TCF4: variants seen among roughly 807,000 people sequenced by gnomAD.
TCF4 encodes SL3-3 enhancer factor 2.
A neutral mutation model predicts 82.1 loss-of-function variants in TCF4; 3 were observed. That is an observed-to-expected ratio of 0.04 (90% CI 0.02 to 0.09). The LOEUF (loss-of-function observed/expected upper bound fraction) is 0.09. Among genes scored for constraint, TCF4 ranks in the 10% least tolerant of loss-of-function variants. The pLI is 1.00. For synonymous variants in TCF4, 276 were observed against 309.6 expected (o/e 0.89, Z 1.14); for missense variants, 518 against 852.7 (o/e 0.61, Z 4.89).
intron 5 of TCF4, among the ~76,000 whole-genome samples, chr18:55,416,843 G>A (rs1344008212): frequency 2.0e-5 from 3 of 152,150 alleles, no homozygotes; most frequent in Non-Finnish European, 4.4e-5. Context: ...CTCTTTACGT[G>A]GGTAAAATTT....
At chr18:55,319,061 G>A (rs2074857439) in intron 8 of TCF4, among the ~76,000 whole-genome samples, 1 of 152,184 alleles carries the variant, frequency 6.6e-6, no homozygotes, top group Non-Finnish European at 1.5e-5. Flanking sequence ...ATTCAGTGCT[G>A]TGTTCTCTTC....
chr18:55,473,613 A>G (rs1477608882), intron 3 of TCF4, among the ~76,000 whole-genome samples: 1 of 152,192 alleles, frequency 6.6e-6, no homozygotes. Context: ...GGCAATGACA[A>G]ATGATCAATC....
At chr18:55,436,643 G>T (rs891205465) in intron 5 of TCF4, among the ~76,000 whole-genome samples, 10 of 152,146 alleles carry the variant, frequency 6.6e-5, no homozygotes, top group Non-Finnish European at 1.3e-4. Context: ...AATGTTAGCC[G>T]GGGACCTCAT....
At chr18:55,612,896 C>T (rs1015767385) in intron 2 of TCF4, among the ~76,000 whole-genome samples, 2 of 151,930 alleles carry the variant, frequency 1.3e-5, no homozygotes, top group African/African-American at 2.4e-5. Flanking sequence ...TGCAGTGAGC[C>T]GAGATCATGC....
chr18:55,508,765 C>T (rs1002710507), intron 3 of TCF4, among the ~76,000 whole-genome samples: 4 of 152,264 alleles, frequency 2.6e-5, no homozygotes, highest in Admixed American at 6.5e-5. Flanking sequence ...TGTGCACCTC[C>T]TTTTATTCCT....
At chr18:55,286,725 C>T (rs528240619) in intron 8 of TCF4, among the ~76,000 whole-genome samples, 1 of 152,190 alleles carries the variant, frequency 6.6e-6, no homozygotes, top group African/African-American at 2.4e-5. Context: ...AGGATTAAAG[C>T]TCATTCACCT....
intron 3 of TCF4, among the ~76,000 whole-genome samples, chr18:55,584,719 A>G (rs979424018): frequency 1.1e-4 from 16 of 150,886 alleles, no homozygotes; most frequent in Admixed American, 3.3e-4. Flanking sequence ...ATCGTTAGGG[A>G]AAAAAAAACA....
intron 4 of TCF4, among the ~76,000 whole-genome samples, chr18:55,462,339 T>C (rs1042131798): frequency 3.3e-5 from 5 of 151,842 alleles, no homozygotes; most frequent in East Asian, 1.9e-4. Context: ...TCCTAGATAG[T>C]GTACTAAAAG....
intron 2 of TCF4, among the ~76,000 whole-genome samples, chr18:55,597,468 C>T (rs1260475214): frequency 2.6e-5 from 4 of 151,956 alleles, no homozygotes; most frequent in Non-Finnish European, 5.9e-5. Flanking sequence ...AGTTCAAGAC[C>T]AGCCTGGCCA....
intron 15 of TCF4, among the ~76,000 whole-genome samples, chr18:55,248,383 A>G (rs1291709663): frequency 6.6e-6 from 1 of 152,228 alleles, no homozygotes; most frequent in Admixed American, 6.5e-5. Flanking sequence ...AACTTTATCA[A>G]CTGAAGATGC....
At chr18:55,350,089 AACTCCTC>A (rs1654655565) in intron 8 of TCF4, among the ~76,000 whole-genome samples, 1 of 152,166 alleles carries the variant, frequency 6.6e-6, no homozygotes, top group South Asian at 2.1e-4. Flanking sequence ...GTACAGGTAA[AACTCCTC>A]AAACTTCAGG....
At chr18:55,357,362 CTTCT>C (rs1352862929) in intron 6 of TCF4, among the ~76,000 whole-genome samples, 4 of 152,128 alleles carry the variant, frequency 2.6e-5, no homozygotes, top group Admixed American at 6.6e-5. Context: ...AGAAAACTAT[CTTCT>C]TTGTCAGTTT....
intron 15 of TCF4, among the ~76,000 whole-genome samples, chr18:55,246,243 G>GTGTGTGTC (rs2053125436): frequency 6.9e-6 from 1 of 145,494 alleles, no homozygotes; most frequent in Non-Finnish European, 1.6e-5. Flanking sequence ...GTGTGTGTGT[G>GTGTGTGTC]TGTGTGTGTG....
chr18:55,321,853 G>C, intron 8 of TCF4: 1 of 1,473,884 alleles, frequency 6.8e-7, no homozygotes, highest in South Asian at 1.4e-5. Context: ...GCCGGGCCAA[G>C]CGTGGTGAAT....
intron 3 of TCF4, chr18:55,510,722 CT>C: frequency 7.1e-7 from 1 of 1,407,550 alleles, no homozygotes; most frequent in Admixed American, 2.8e-5. Context: ...TTTAAGGGGC[CT>C]TCCTTGTTAC....
chr18:55,238,965 G>T (rs375240139), intron 15 of TCF4, among the ~76,000 whole-genome samples: 1 of 152,144 alleles, frequency 6.6e-6, no homozygotes, highest in South Asian at 2.1e-4. Flanking sequence ...AACGAGGAAG[G>T]GGGGATAAGA....
Position 55,588,022 on chromosome 18 carries a change from A to T in TCF4, c.-21+16T>A. ...GCGCCTCCGCCCCGCCGAGCCCCGC[A>T]GGCGCCGGTACCTACCGCCCGCGCG... On this transcript the variant is annotated intron_variant, in intron 1 of 19. Coordinates refer to ENST00000354452, the MANE Select transcript of TCF4 (RefSeq NM_001083962.2). 2 of 981,228 alleles carry T rather than the reference A, an allele frequency of 2.0e-6. No homozygotes were observed. Among genetic ancestry groups the T allele is most frequent in the South Asian group, 9.1e-5 (2 of 22,068 alleles). The allele number at this position is 981,228 out of a possible 1,614,324, so 60.8% of individuals were successfully genotyped here.
chr18:55,486,193 T>C (rs1230318339), intron 3 of TCF4, among the ~76,000 whole-genome samples: 1 of 152,204 alleles, frequency 6.6e-6, no homozygotes, highest in Non-Finnish European at 1.5e-5. Flanking sequence ...GGAAAAAGTT[T>C]TAAGTTTAAG....
chr18:55,245,764 G>GTTTATGCATCCCCAA (rs1217370623), intron 15 of TCF4, among the ~76,000 whole-genome samples: 1 of 152,086 alleles, frequency 6.6e-6, no homozygotes, highest in Non-Finnish European at 1.5e-5. Flanking sequence ...TCTTCTCCGG[G>GTTTATGCATCCCCAA]AAGCTTTTCC....
Sources: gnomAD v4.1 joint callset for allele counts (sites outside exome capture counted in the v4.1 genomes callset) on GRCh38, gnomAD v4.1.1 for gene constraint, MANE v1.5 for transcripts, NCBI Gene and HGNC (gene_info 2026-07-23, HGNC 2026-07-21) for gene names.